Variants in CRB1 observed in about 807,000 individuals in gnomAD.
CRB1 encodes crumbs cell polarity complex component 1.
CRB1 carries 83 observed loss-of-function variants against 120.0 expected under a neutral mutation model. That is an observed-to-expected ratio of 0.69 (90% confidence interval 0.58 to 0.83). The LOEUF (loss-of-function observed/expected upper bound fraction) is 0.83, where lower values mean the gene tolerates loss of function less well. Ranked by LOEUF, CRB1 falls within the 40% of genes least tolerant of loss-of-function variation. The pLI, the probability that CRB1 is intolerant of heterozygous loss-of-function variation, is 0.00. For synonymous variants in CRB1, 625 were observed against 612.5 expected (o/e 1.02, Z -0.30); for missense variants, 1,699 against 1,687.6 (o/e 1.01, Z -0.12).
At chr1:197,418,925 C>A (rs1391973201) in intron 5 of CRB1, among the ~76,000 whole-genome samples, 2 of 152,116 alleles carry the variant, frequency 1.3e-5, no homozygotes, top group African/African-American at 4.8e-5. Flanking sequence ...ACTACACATG[C>A]CCACACTTTC....
chr1:197,278,573 C>CT (rs1392152669), intron 1 of CRB1, among the ~76,000 whole-genome samples: 1 of 151,990 alleles, frequency 6.6e-6, no homozygotes, highest in East Asian at 1.9e-4. Flanking sequence ...TTCAGCTCAG[C>CT]TTTGACATAC....
chr1:197,308,244 G>T lies in CRB1; in HGVS notation c.71-20178G>T, dbSNP rs543507578. Among the ~76,000 whole-genome samples, 31 of 152,224 alleles carry T rather than the reference G, an allele frequency of 2.0e-4. No homozygotes were observed. In the South Asian group the frequency reaches 4.4e-3, roughly 21 times the overall value. ...TAGGAGCTAAACGTTAAGCACACAT[G>T]GACATAAATATGGGAATAATAGACA... On this transcript the variant is annotated intron_variant, in intron 1 of 11. Transcript: ENST00000367400.
At chr1:197,418,059 C>A (rs542871615) in intron 5 of CRB1, among the ~76,000 whole-genome samples, 22 of 151,746 alleles carry the variant, frequency 1.4e-4, no homozygotes, top group African/African-American at 5.3e-4. Context: ...TATCTAGAGG[C>A]AATGAAACCC....
chr1:197,222,178 G>A, the CRB1 span: 158 of 422,234 alleles, frequency 3.7e-4, no homozygotes, highest in Non-Finnish European at 6.1e-4. Flanking sequence ...GTGTCCTGCC[G>A]GCCCGCTCCT....
intron 6 of CRB1, among the ~76,000 whole-genome samples, chr1:197,426,702 G>T (rs574560626): frequency 1.6e-3 from 247 of 152,224 alleles, no homozygotes; most frequent in African/African-American, 5.0e-3. Context: ...TCTGTTTCCT[G>T]TGCCTTTCCT....
chr1:197,320,920 C>T (rs1658153212), intron 1 of CRB1, among the ~76,000 whole-genome samples: 1 of 152,150 alleles, frequency 6.6e-6, no homozygotes, highest in African/African-American at 2.4e-5. Flanking sequence ...TTATTCTTTT[C>T]TATTCAGTTA....
chr1:197,377,940 C>T (rs1195821631), intron 5 of CRB1, among the ~76,000 whole-genome samples: 6 of 152,142 alleles, frequency 3.9e-5, no homozygotes, highest in Admixed American at 6.5e-5. Flanking sequence ...CTGCTGTATC[C>T]TCCCGGCACT....
In CRB1 at chr1:197,454,205, G is replaced by A. The variant is rs1036646064; in HGVS notation, c.4005+11913G>A. 6.6e-5 allele frequency among the ~76,000 whole-genome samples: 10 copies of A among 151,566 alleles called. No homozygotes were observed. The South Asian group carries it at 1.2e-3, about 19-fold the overall frequency. On this transcript the variant is annotated intron_variant, in intron 11 of 11. Transcript: ENST00000367400. The stretch of plus-strand genomic sequence containing the variant: ...AATTGTGCCTACAGATAATAATACT[G>A]TACTGTGCACTTGAAATCTTGTTAG...
At chr1:197,362,779 T>C (rs2125365482) in intron 5 of CRB1, among the ~76,000 whole-genome samples, 1 of 152,326 alleles carries the variant, frequency 6.6e-6, no homozygotes, top group African/African-American at 2.4e-5. Flanking sequence ...AATGATTTTC[T>C]TGTAAACAGT....
chr1:197,426,074 C>T (rs941227562), intron 6 of CRB1, among the ~76,000 whole-genome samples: 52 of 151,810 alleles, frequency 3.4e-4, no homozygotes, highest in African/African-American at 9.2e-4. Context: ...TCCCACCTCA[C>T]CCAAAAATCT....
At chr1:197,225,892 CCTTT>C in the CRB1 span, among the ~76,000 whole-genome samples, 1 of 152,114 alleles carries the variant, frequency 6.6e-6, no homozygotes, top group Non-Finnish European at 1.5e-5. Flanking sequence ...CAGACCACAG[CCTTT>C]CTTTCTTTTT....
chr1:197,237,759 G>A, the CRB1 span, among the ~76,000 whole-genome samples: 6 of 151,992 alleles, frequency 3.9e-5, no homozygotes, highest in African/African-American at 1.2e-4. Flanking sequence ...TTAAATACAT[G>A]TCATTTTGGC....
At chr1:197,469,717 C>T (rs886495551) in intron 11 of CRB1, among the ~76,000 whole-genome samples, 1 of 152,178 alleles carries the variant, frequency 6.6e-6, no homozygotes. Context: ...GTTCACCTAA[C>T]GGAAACAAAA....
chr1:197,429,319 T>C (rs1664756391), intron 7 of CRB1, 130 bp from the exon 8 acceptor site: 1 of 1,351,674 alleles, frequency 7.4e-7, no homozygotes, highest in African/African-American at 1.4e-5. Context: ...TAACAATGGA[T>C]CTTAAAAGTT....
At chr1:197,281,752 T>A (rs772154914) in intron 1 of CRB1, among the ~76,000 whole-genome samples, 1 of 151,882 alleles carries the variant, frequency 6.6e-6, no homozygotes, top group Non-Finnish European at 1.5e-5. Context: ...TAGCGAAGAA[T>A]GATTTCCAGG....
chr1:197,241,858 T>G, the CRB1 span, among the ~76,000 whole-genome samples: 5 of 152,178 alleles, frequency 3.3e-5, no homozygotes. Flanking sequence ...GTGTCCTTTC[T>G]TATTTCCTTG....
intron 5 of CRB1, among the ~76,000 whole-genome samples, chr1:197,393,399 G>A (rs1662608526): frequency 6.6e-6 from 1 of 152,056 alleles, no homozygotes; most frequent in Admixed American, 6.6e-5. Flanking sequence ...AGCAAGAGAA[G>A]GGCTGGCTAC....
chr1:197,293,366 G>T (rs1277976379), intron 1 of CRB1, among the ~76,000 whole-genome samples: 1 of 152,050 alleles, frequency 6.6e-6, no homozygotes, highest in Non-Finnish European at 1.5e-5. Flanking sequence ...GGACGTGAAG[G>T]ACCTCTTCAA....
intron 1 of CRB1, among the ~76,000 whole-genome samples, chr1:197,317,820 T>C (rs997661986): frequency 6.6e-6 from 1 of 152,032 alleles, no homozygotes; most frequent in Non-Finnish European, 1.5e-5. Flanking sequence ...TAGACTCCTA[T>C]CTCTCACCAT....
Sources: gnomAD v4.1 joint callset for allele counts (sites outside exome capture counted in the v4.1 genomes callset) on GRCh38, gnomAD v4.1.1 for gene constraint, MANE v1.5 for transcripts, NCBI Gene and HGNC (gene_info 2026-07-23, HGNC 2026-07-21) for gene names.